CHCHD3: variants seen among roughly 807,000 people sequenced by gnomAD.
CHCHD3 encodes the protein coiled-coil-helix-coiled-coil-helix domain containing 3.
CHCHD3 carries 20 observed loss-of-function variants against 38.2 expected under a neutral mutation model. The observed-to-expected ratio is 0.52, with a 90% CI of 0.37 to 0.76. The LOEUF is 0.76. CHCHD3 is among the 30% of genes least tolerant of loss of function. The pLI, the probability that CHCHD3 is intolerant of heterozygous loss-of-function variation, is 0.00. For missense variants in CHCHD3, 245 were observed against 279.2 expected (o/e 0.88, Z 0.87); for synonymous variants, 82 against 100.0 (o/e 0.82, Z 1.07).
In CHCHD3 at chr7:133,035,762, A is replaced by C. The variant is rs1813655946; in HGVS notation, c.170-11135T>G. 1 of 1,613,176 alleles carries C rather than the reference A, an allele frequency of 6.2e-7. No homozygotes were observed. The highest frequency in any genetic ancestry group is 8.5e-7 in the Non-Finnish European group (1 of 1,179,354). ...CAAATGCTGGGACCTTGCCGGCAGG[A>C]AATTTGCGAAGAAATTCAGAGGTGC... On this transcript the variant is annotated intron_variant, in intron 2 of 7. Coordinates refer to ENST00000262570, the MANE Select transcript of CHCHD3 (RefSeq NM_017812.4). This position sits in a 1 kb window ranked among gnomAD's most constrained non-coding sequence, Gnocchi z 4.7.
At chr7:132,905,392 G>A (rs924736178) in intron 4 of CHCHD3, among the ~76,000 whole-genome samples, 7 of 151,884 alleles carry the variant, frequency 4.6e-5, no homozygotes, top group African/African-American at 1.7e-4. Context: ...AGTGGGAGCT[G>A]AACAATGAGA....
chr7:132,998,899 A>G (rs1307437123), intron 3 of CHCHD3, among the ~76,000 whole-genome samples: 2 of 152,184 alleles, frequency 1.3e-5, no homozygotes, highest in East Asian at 3.9e-4. Context: ...TAGCATTAAA[A>G]CAGCAAGGAG....
chr7:132,848,532 A>T (rs995516293), intron 5 of CHCHD3, among the ~76,000 whole-genome samples: 16 of 152,214 alleles, frequency 1.1e-4, no homozygotes, highest in Non-Finnish European at 2.4e-4. Context: ...GTCTTTTTAC[A>T]GAATTACACA....
At chr7:133,060,739 T>C (rs1021940893) in intron 2 of CHCHD3, among the ~76,000 whole-genome samples, 3 of 152,082 alleles carry the variant, frequency 2.0e-5, no homozygotes, top group Admixed American at 6.6e-5. Context: ...TGAAACCCCA[T>C]GTCTACTAAA....
chr7:132,902,148 C>A (rs908343110), intron 4 of CHCHD3, among the ~76,000 whole-genome samples: 4 of 152,066 alleles, frequency 2.6e-5, no homozygotes, highest in Non-Finnish European at 5.9e-5. Context: ...GAATGGCAAT[C>A]ATTAAAAAGT....
intron 5 of CHCHD3, among the ~76,000 whole-genome samples, chr7:132,844,491 G>A (rs543769069): frequency 4.6e-5 from 7 of 152,236 alleles, no homozygotes; most frequent in African/African-American, 1.7e-4. Flanking sequence ...CCCATAAACA[G>A]CAGAAAAAAT....
At chr7:132,883,700 C>T (rs908725997) in intron 5 of CHCHD3, among the ~76,000 whole-genome samples, 2 of 152,154 alleles carry the variant, frequency 1.3e-5, no homozygotes, top group African/African-American at 4.8e-5. Flanking sequence ...GGGAGCTGCA[C>T]AGAAACCAAA....
chr7:132,902,603 G>A (rs556310519), intron 4 of CHCHD3, among the ~76,000 whole-genome samples: 9 of 152,228 alleles, frequency 5.9e-5, no homozygotes, highest in East Asian at 3.9e-4. Context: ...TCACTCATAG[G>A]TGGGAACTGA....
chr7:132,978,197 G>A (rs542218216), intron 3 of CHCHD3, among the ~76,000 whole-genome samples: 25 of 152,170 alleles, frequency 1.6e-4, no homozygotes, highest in South Asian at 8.3e-4. Context: ...CCCACTATGC[G>A]GGTAGGAATA....
chr7:133,035,358 T>C lies in CHCHD3; in HGVS notation c.170-10731A>G, dbSNP rs1813640973. ...GTTAATGCAGGTGAGGAACCAGCGG[T>C]TGGTATTGCGAAAGGCCCGGCGGAA... is the stretch of plus-strand genomic sequence containing the variant. On this transcript the variant is annotated intron_variant, in intron 2 of 7. Transcript: ENST00000262570. The surrounding 1 kb of genome is among the most constrained non-coding windows in gnomAD (Gnocchi z 4.7). 89 of 1,611,940 alleles carry C rather than the reference T, an allele frequency of 5.5e-5. No individual in the cohort carries two copies. The highest frequency in any genetic ancestry group is 7.5e-5 in the Non-Finnish European group (88 of 1,178,238).
chr7:133,007,514 T>C (rs542213590), intron 3 of CHCHD3, among the ~76,000 whole-genome samples: 5 of 152,104 alleles, frequency 3.3e-5, no homozygotes, highest in Non-Finnish European at 7.4e-5. Flanking sequence ...CAGAAACCAA[T>C]CCTAACGGAA....
At chr7:132,841,941 C>CA (rs1279106491) in intron 5 of CHCHD3, among the ~76,000 whole-genome samples, 20 of 151,412 alleles carry the variant, frequency 1.3e-4, no homozygotes, top group South Asian at 2.1e-4. Flanking sequence ...ACTAAAAATA[C>CA]AAAAAAATTA....
At chr7:132,988,532 C>T (rs1812188195) in intron 3 of CHCHD3, among the ~76,000 whole-genome samples, 1 of 152,024 alleles carries the variant, frequency 6.6e-6, no homozygotes, top group Non-Finnish European at 1.5e-5. Context: ...ATATATTTTA[C>T]ATAATGGTAA....
chr7:132,940,999 A>C lies in CHCHD3; in HGVS notation c.369+34170T>G, dbSNP rs369680399. On this transcript the variant is annotated intron_variant, in intron 4 of 7. Transcript: ENST00000262570. ...CCAAGAAGCCACTTTCTCAGTGGCC[A>C]GTTTCCTCTCAAAATACTGTAAAAC... 5.9e-5 allele frequency among the ~76,000 whole-genome samples: 9 copies of C among 152,274 alleles called. No homozygotes were observed. In the South Asian group the frequency reaches 1.9e-3, roughly 32 times the overall value.
chr7:133,029,291 G>A (rs1301966962), intron 2 of CHCHD3, among the ~76,000 whole-genome samples: 3 of 152,122 alleles, frequency 2.0e-5, no homozygotes, highest in African/African-American at 4.8e-5. Context: ...GAACATTGGG[G>A]ACACTTAAAA....
At chr7:132,831,370 A>G (rs566739123) in intron 6 of CHCHD3, among the ~76,000 whole-genome samples, 1 of 149,240 alleles carries the variant, frequency 6.7e-6, no homozygotes, top group East Asian at 2.0e-4. Context: ...TAAAACATTT[A>G]TCATGTACAT....
At chr7:132,887,076 GATA>G (rs1809236623) in intron 4 of CHCHD3, 1 of 642,410 alleles carries the variant, frequency 1.6e-6, no homozygotes, top group African/African-American at 1.9e-5. Context: ...AAATCTGATG[GATA>G]ATATTTAAAA....
At chr7:132,786,652 C>T (rs1203978807) in intron 7 of CHCHD3, among the ~76,000 whole-genome samples, 2 of 152,166 alleles carry the variant, frequency 1.3e-5, no homozygotes, top group Non-Finnish European at 2.9e-5. Flanking sequence ...TCCATTCCCA[C>T]CTGCCTCCCG....
At chr7:132,885,557 T>G (rs1044811611) in intron 5 of CHCHD3, 105 bp downstream of exon 5, 2 of 896,322 alleles carry the variant, frequency 2.2e-6, no homozygotes, top group East Asian at 3.0e-5. Context: ...CTGGCCACTT[T>G]ACAACCAGGA....
Sources: gnomAD v4.1 joint callset for allele counts (sites outside exome capture counted in the v4.1 genomes callset) on GRCh38, gnomAD v4.1.1 for gene constraint, Gnocchi (gnomAD v3.1) non-coding constraint, MANE v1.5 for transcripts, NCBI Gene and HGNC (gene_info 2026-07-23, HGNC 2026-07-21) for gene names.